The following SBNO1 variants were observed in gnomAD, a reference collection of about 807,000 sequenced individuals.
SBNO1 encodes strawberry notch homolog 1.
A neutral mutation model predicts 173.6 loss-of-function variants in SBNO1; 23 were observed. The observed-to-expected ratio is 0.13, with a 90% CI of 0.10 to 0.19. The LOEUF (loss-of-function observed/expected upper bound fraction) is 0.19, where lower values mean the gene tolerates loss of function less well. Ranked by LOEUF, SBNO1 falls within the 10% of genes least tolerant of loss-of-function variation. The pLI, the probability that SBNO1 is intolerant of heterozygous loss-of-function variation, is 1.00. For synonymous variants in SBNO1, 632 were observed against 571.5 expected, an observed-to-expected ratio of 1.11 and a Z score of -1.51; for missense variants, 1,238 against 1,671.2, an observed-to-expected ratio of 0.74 and a Z score of 4.52.
rs570229985 is a variant in SBNO1, at chr12:123,304,428, G to T, written c.3768+154C>A. 2.5e-5 allele frequency: 14 copies of T among 559,758 alleles called. No homozygotes were observed. The East Asian group carries it at 4.6e-4, about 19-fold the overall frequency. The allele number at this position is 559,758 out of a possible 1,614,324, so 34.7% of individuals were successfully genotyped here. On this transcript the variant is annotated intron_variant, in intron 29 of 31. Coordinates refer to ENST00000602398, the MANE Select transcript of SBNO1 (RefSeq NM_001167856.3). ...ATTTTGCATTTTTAGTAGAGACGGG[G>T]TTTCTCCATGTTGGTCAGGCTGGTC...
chr12:123,323,184 T>C (rs1260407226), intron 16 of SBNO1, among the ~76,000 whole-genome samples: 2 of 152,196 alleles, frequency 1.3e-5, no homozygotes, highest in Non-Finnish European at 2.9e-5. Context: ...AGTGAATTGC[T>C]CAATTCCTAA....
intron 1 of SBNO1, chr12:123,363,924 C>A (rs1875733601): frequency 2.0e-6 from 2 of 985,338 alleles, no homozygotes; most frequent in South Asian, 9.4e-5. Flanking sequence ...AGCGGTTAAA[C>A]CGACCCCAAA....
Position 123,364,712 on chromosome 12 carries a change from G to A in SBNO1, c.-12C>T. On this transcript the variant is annotated 5_prime_UTR_variant, in exon 1 of 32. Coordinates refer to ENST00000602398, the MANE Select transcript of SBNO1 (RefSeq NM_001167856.3). ...AGGGAAGGACTTACTTTCCCCGCGG[G>A]ACCCGGCGCCAGCACAGCTCCTCCC... is the stretch of plus-strand genomic sequence containing the variant. 4 of 984,574 alleles carry A rather than the reference G, an allele frequency of 4.1e-6. No individual in the cohort carries two copies. Among genetic ancestry groups the A allele is most frequent in the Non-Finnish European group, 4.8e-6 (4 of 828,930 alleles). The allele number at this position is 984,574 out of a possible 1,614,324, so 61.0% of individuals were successfully genotyped here. A position where few individuals can be genotyped will look rare whatever the true frequency, so the allele number is the denominator to read the frequency against.
At chr12:123,352,048 G>C (rs1463074444) in intron 1 of SBNO1, among the ~76,000 whole-genome samples, 4 of 151,592 alleles carry the variant, frequency 2.6e-5, no homozygotes, top group Non-Finnish European at 5.9e-5. Flanking sequence ...ATAATCTCAG[G>C]GGCCAAACTA....
intron 20 of SBNO1, among the ~76,000 whole-genome samples, chr12:123,319,602 T>G (rs1441383496): frequency 6.6e-6 from 1 of 151,624 alleles, no homozygotes; most frequent in East Asian, 1.9e-4. Flanking sequence ...AGAGACGGGG[T>G]TTCACCATGC....
At position 123,326,282 on chromosome 12, in the gene SBNO1, T is replaced by C; in HGVS notation, c.1745A>G (p.Glu582Gly). 6.2e-7 allele frequency: 1 copy of C among 1,612,750 alleles called. No homozygotes were observed. Among genetic ancestry groups the C allele is most frequent in the Non-Finnish European group, 8.5e-7 (1 of 1,179,204 alleles). Residue 582 changes from glutamate (E) to glycine (G), a missense_variant, in exon 14 of 32, where the codon GAG becomes GGG. Physicochemically the swap from Glu to Gly is moderately conservative, Grantham distance 98. Coordinates refer to ENST00000602398, the MANE Select transcript of SBNO1 (RefSeq NM_001167856.3). ...CCACATGGACTTCTTCATTCGTTGC[T>C]CAGCATCAATCAGATCTGCAGCTTG... Reference protein sequence around the residue: ...FQQAADLIDAEQRMKKSMWGQ... With the variant: ...FQQAADLIDAGQRMKKSMWGQ...
intron 4 of SBNO1, 68 bp from the exon 5 acceptor site, chr12:123,341,156 T>A (rs1872518847): frequency 1.0e-6 from 1 of 993,726 alleles, no homozygotes. Flanking sequence ...TATTTAAAAA[T>A]CCAGAAGTTT....
chr12:123,302,160 C>T (rs926079831), intron 30 of SBNO1, among the ~76,000 whole-genome samples: 10 of 151,366 alleles, frequency 6.6e-5, no homozygotes, highest in Admixed American at 5.3e-4. Context: ...CTCGAACTCC[C>T]GACCTTAGAT....
At chr12:123,364,480 G>A (rs923247685) in intron 1 of SBNO1, 8 of 983,808 alleles carry the variant, frequency 8.1e-6, no homozygotes, top group South Asian at 9.4e-5. Flanking sequence ...CGGCGCTGAC[G>A]AACAGAGGAA....
At chr12:123,311,901 A>T (rs1868615456) in intron 24 of SBNO1, among the ~76,000 whole-genome samples, 1 of 147,850 alleles carries the variant, frequency 6.8e-6, no homozygotes, top group Non-Finnish European at 1.5e-5. Context: ...GTGCCTGGCT[A>T]ATTTTTTTTT....
intron 28 of SBNO1, among the ~76,000 whole-genome samples, chr12:123,307,847 G>A (rs770908909): frequency 1.6e-4 from 24 of 152,120 alleles, no homozygotes; most frequent in Non-Finnish European, 2.6e-4. Flanking sequence ...CAAGGCAGGC[G>A]GATCACCTGA....
rs977651099 is a variant in SBNO1 at position 123,291,902 on chromosome 12, A to AT, written c.*4005dup. On this transcript the variant is annotated 3_prime_UTR_variant, in exon 32 of 32. Coordinates refer to ENST00000602398, the MANE Select transcript of SBNO1 (RefSeq NM_001167856.3). ...CACAAAATTAGAGGGTGGGTTTTGG[A>AT]TTTTATCTCAAGTACTCAAAAAAAA... 2.6e-5 allele frequency: 4 copies of AT among 151,264 alleles called. No individual in the cohort carries two copies. The highest frequency in any genetic ancestry group is 9.7e-5 in the African/African-American group (4 of 41,122). 9.4% of individuals were successfully genotyped at this position (151,264 alleles called of 1,614,324 possible).
At chr12:123,314,516 G>A (rs1869033611) in intron 23 of SBNO1, among the ~76,000 whole-genome samples, 1 of 151,582 alleles carries the variant, frequency 6.6e-6, no homozygotes, top group Non-Finnish European at 1.5e-5. Flanking sequence ...TTTTAGTAGA[G>A]ACAGGGTTTC....
At chr12:123,315,211 C>A (rs1283981402) in intron 23 of SBNO1, among the ~76,000 whole-genome samples, 162 bp downstream of exon 23, 2 of 152,204 alleles carry the variant, frequency 1.3e-5, no homozygotes, top group Admixed American at 6.5e-5. Flanking sequence ...AACATGCGAT[C>A]TAACATACAT....
intron 28 of SBNO1, among the ~76,000 whole-genome samples, chr12:123,305,531 G>A (rs1279952238): frequency 6.6e-6 from 1 of 152,070 alleles, no homozygotes; most frequent in Non-Finnish European, 1.5e-5. Flanking sequence ...GGAGCACAAG[G>A]GCGCGATCTC....
intron 16 of SBNO1, 127 bp downstream of exon 16, chr12:123,323,553 A>G: frequency 2.0e-6 from 1 of 508,194 alleles, no homozygotes; most frequent in Non-Finnish European, 3.2e-6. Context: ...ATGGGGTTTC[A>G]CCGTGTTAGC....
intron 7 of SBNO1, 110 bp from the exon 8 acceptor site, chr12:123,331,485 T>C (rs1002662000): frequency 8.3e-6 from 8 of 969,138 alleles, no homozygotes; most frequent in Admixed American, 2.8e-5. Flanking sequence ...GTTTTGTATA[T>C]GTATTTTGTG....
At chr12:123,299,242 C>T (rs1198165376) in intron 30 of SBNO1, among the ~76,000 whole-genome samples, 4 of 152,150 alleles carry the variant, frequency 2.6e-5, no homozygotes, top group South Asian at 2.1e-4. Flanking sequence ...GTGGCAGGCA[C>T]CTGTAGTCCC....
At chr12:123,346,345 T>G (rs1210835608) in intron 3 of SBNO1, among the ~76,000 whole-genome samples, 1 of 152,220 alleles carries the variant, frequency 6.6e-6, no homozygotes, top group African/African-American at 2.4e-5. Context: ...TCTCCACTAC[T>G]CCTTTAATAA....
Sources: allele counts gnomAD v4.1 joint callset (sites outside exome capture counted in the v4.1 genomes callset), GRCh38; gene constraint gnomAD v4.1.1; transcripts MANE v1.5; gene names NCBI Gene and HGNC (gene_info 2026-07-23, HGNC 2026-07-21).